Variants in ZNF624 observed in about 807,000 individuals in gnomAD.
ZNF624 encodes zinc finger protein 624.
ZNF624 carries 43 observed loss-of-function variants against 74.7 expected under a neutral mutation model. The observed-to-expected ratio is 0.58, with a 90% confidence interval of 0.45 to 0.74. The LOEUF (loss-of-function observed/expected upper bound fraction) is 0.74. ZNF624 is among the 30% of genes least tolerant of loss of function. The pLI is 0.00. For synonymous variants in ZNF624, 331 were observed against 341.3 expected (o/e 0.97, Z 0.33); for missense variants, 820 against 1,030.0 (o/e 0.80, Z 2.79).
intron 3 of ZNF624, among the ~76,000 whole-genome samples, chr17:16,645,614 C>A (rs1909570252): frequency 7.1e-6 from 1 of 140,802 alleles, no homozygotes. Context: ...GAAATTTCTT[C>A]TTTTAAAGGA....
At chr17:16,632,708 G>A (rs187790183) in intron 5 of ZNF624, among the ~76,000 whole-genome samples, 268 of 152,266 alleles carry the variant, frequency 1.8e-3, no homozygotes, top group African/African-American at 6.2e-3. Flanking sequence ...ATAGACTATT[G>A]TAACAACCTT....
rs1243232001 is a variant in ZNF624, at chr17:16,620,855, A to G, written c.*1433T>C. 1 of 152,228 alleles carries G rather than the reference A, an allele frequency of 6.6e-6. No homozygotes were observed. Among genetic ancestry groups the G allele is most frequent in the Admixed American group, 6.5e-5 (1 of 15,288 alleles). The allele number at this position is 152,228 out of a possible 1,614,324, so 9.4% of individuals were successfully genotyped here. ...ATGAACCACTAAAACAGAAATAACC[A>G]TCATTAATTTTTTGGAGACCATCCT... On this transcript the variant is annotated 3_prime_UTR_variant, in exon 6 of 6. Transcript: ENST00000311331.
At position 16,653,773 on chromosome 17, in the gene ZNF624, G is replaced by C. The variant is rs973560346; in HGVS notation, c.-12C>G. On this transcript the variant is annotated 5_prime_UTR_variant, in exon 1 of 6. Transcript: ENST00000311331. ...CCGGGACAACGAGTACCTGGCGGCC[G>C]AACTGAGGACAACTGAGGGAACTCG... is the stretch of plus-strand genomic sequence containing the variant. 6.5e-6 allele frequency: 1 copy of C among 152,754 alleles called. No individual in the cohort carries two copies. Among genetic ancestry groups the C allele is most frequent in the African/African-American group, 2.4e-5 (1 of 41,480 alleles). 9.5% of individuals were successfully genotyped at this position (152,754 alleles called of 1,614,324 possible).
At chr17:16,651,299 G>A (rs557801283) in intron 1 of ZNF624, among the ~76,000 whole-genome samples, 1 of 152,036 alleles carries the variant, frequency 6.6e-6, no homozygotes, top group African/African-American at 2.4e-5. Context: ...GTGTGGTGGT[G>A]CACGCCTGTA....
chr17:16,619,842 C>G (rs911909799), downstream of ZNF624, among the ~76,000 whole-genome samples: 1 of 152,176 alleles, frequency 6.6e-6, no homozygotes, highest in South Asian at 2.1e-4. Flanking sequence ...AGTGAGGATT[C>G]GGAGGCAGAA....
chr17:16,624,853 C>CAAAAAAAA lies in ZNF624; in HGVS notation c.377-352_377-345dup, dbSNP rs59170659. 88 of 44,004 alleles carry CAAAAAAAA rather than the reference C, an allele frequency of 2.0e-3. 7 individuals are homozygous for CAAAAAAAA. Among genetic ancestry groups the CAAAAAAAA allele is most frequent in the African/African-American group, 2.8e-3 (26 of 9,288 alleles). The allele number at this position is 44,004 out of a possible 1,614,324, so 2.7% of individuals were successfully genotyped here. A position where few individuals can be genotyped will look rare whatever the true frequency, so the allele number is the denominator to read the frequency against. ...GCAATATAGCAAAACCCTGTCTCTACAAAAAAAAAAAAAAAAAAAAAAAAA... is the reference window on the plus strand; with the variant it reads ...GCAATATAGCAAAACCCTGTCTCTACAAAAAAAAAAAAAAAAAAAAAAAAAAAAAAAAA... On this transcript the variant is annotated intron_variant, in intron 5 of 5. Transcript: ENST00000311331.
Position 16,623,862 on chromosome 17 carries a change from T to A in ZNF624, c.1024A>T (p.Ile342Phe). 1 of 1,613,938 alleles carries A rather than the reference T, an allele frequency of 6.2e-7. No individual in the cohort carries two copies. The highest frequency in any genetic ancestry group is 8.5e-7 in the Non-Finnish European group (1 of 1,179,964). Residue 342 changes from isoleucine to phenylalanine, a missense_variant, in exon 6 of 6, where the codon ATT (isoleucine) becomes TTT (phenylalanine). Transcript: ENST00000311331. The surrounding 1 kb of genome is among the most constrained non-coding windows in gnomAD (Gnocchi z 5.3). ...YKCNECGKAF[I>F]ASSSLMVHQR... ...TGTACCATAAGTGATGAAGAAGCAA[T>A]GAAGGCCTTTCCACATTCATTACAT...
intron 4 of ZNF624, among the ~76,000 whole-genome samples, chr17:16,634,197 G>A (rs1909273447): frequency 1.3e-5 from 2 of 152,106 alleles, no homozygotes; most frequent in Non-Finnish European, 2.9e-5. Context: ...GTGCTCAAAA[G>A]CCACAAGTGA....
intron 1 of ZNF624, among the ~76,000 whole-genome samples, chr17:16,652,101 G>A (rs1292434965): frequency 6.6e-6 from 1 of 152,038 alleles, no homozygotes; most frequent in African/African-American, 2.4e-5. Context: ...TACCCTGAAA[G>A]CCCTGATCTC....
chr17:16,615,997 A>ATATG (rs1908783264), downstream of ZNF624, among the ~76,000 whole-genome samples: 1 of 137,042 alleles, frequency 7.3e-6, no homozygotes, highest in Non-Finnish European at 1.6e-5. Context: ...ATATATATAT[A>ATATG]TGAATGAGAT....
chr17:16,635,475 A>T (rs895927850), intron 3 of ZNF624, among the ~76,000 whole-genome samples: 4 of 152,026 alleles, frequency 2.6e-5, no homozygotes, highest in Admixed American at 6.6e-5. Context: ...TAAATGAAAT[A>T]AAAAATTAAA....
Position 16,647,390 on chromosome 17 carries a change from G to A in ZNF624, c.92C>T (p.Pro31Leu). 6.2e-7 allele frequency: 1 copy of A among 1,614,030 alleles called. No homozygotes were observed. Among genetic ancestry groups the A allele is most frequent in the Non-Finnish European group, 8.5e-7 (1 of 1,179,932 alleles). The change falls in exon 3 of 6, where the codon CCT (proline) becomes CTT (leucine). Residue 31 changes from proline (P) to leucine (L), a missense_variant. Transcript: ENST00000311331. ...AVFFSVGRLS[P>L]EVTQPDEDLH... ...ATCTTCATCTGGCTGGGTAACTTCA[G>A]GGCTCTGATGGGATACAGGATAAGA...
rs1421221373 is a variant in ZNF624 at position 16,621,976 on chromosome 17, TA to T, written c.*311del. The T allele has an allele frequency of 1.1e-5, 2 of 178,928 alleles. No homozygotes were observed. The highest frequency in any genetic ancestry group is 2.4e-5 in the African/African-American group (1 of 42,450). 11.1% of individuals were successfully genotyped at this position (178,928 alleles called of 1,614,324 possible). A position where few individuals can be genotyped will look rare whatever the true frequency, so the allele number is the denominator to read the frequency against. On this transcript the variant is annotated 3_prime_UTR_variant, in exon 6 of 6. Transcript: ENST00000311331. The stretch of plus-strand genomic sequence containing the variant: ...TATATAAAAAGCACCTCCAGGTTTA[TA>T]AGAAAAGACAGATAAATGAATAGAA...
chr17:16,643,535 G>C (rs528574402), intron 3 of ZNF624, among the ~76,000 whole-genome samples: 6 of 152,304 alleles, frequency 3.9e-5, no homozygotes, highest in Admixed American at 3.3e-4. Flanking sequence ...GGAATGGAGA[G>C]TACTGCTAGT....
chr17:16,637,566 A>G (rs1216314710), intron 3 of ZNF624, among the ~76,000 whole-genome samples: 1 of 152,082 alleles, frequency 6.6e-6, no homozygotes, highest in Non-Finnish European at 1.5e-5. Context: ...AATGCCACAT[A>G]TCTACAACCA....
At chr17:16,617,615 A>C (rs1597488032), downstream of ZNF624, 2 of 1,597,048 alleles carry the variant, frequency 1.3e-6, no homozygotes, top group Middle Eastern at 2.2e-4. Context: ...TGCTGTATCC[A>C]CCTCCACCAC....
At chr17:16,633,710 T>G in intron 5 of ZNF624, 152 bp downstream of exon 5, 1 of 540,716 alleles carries the variant, frequency 1.8e-6, no homozygotes, top group Non-Finnish European at 3.3e-6. Flanking sequence ...AAGATGGGGG[T>G]GAGAGGGACA....
chr17:16,621,441 GTA>G lies in ZNF624; in HGVS notation c.*845_*846del, dbSNP rs1395481895. 3 of 152,228 alleles carry G rather than the reference GTA, an allele frequency of 2.0e-5. No homozygotes were observed. Among genetic ancestry groups the G allele is most frequent in the African/African-American group, 4.8e-5 (2 of 41,456 alleles). 9.4% of individuals were successfully genotyped at this position (152,228 alleles called of 1,614,324 possible). A position where few individuals can be genotyped will look rare whatever the true frequency, so the allele number is the denominator to read the frequency against. ...AAAAGTGAGACTGCTGGGTCTAAGA[GTA>G]TATATGTTTTAAATTTTTAAACATA... is the stretch of plus-strand genomic sequence containing the variant. On this transcript the variant is annotated 3_prime_UTR_variant, in exon 6 of 6. Transcript: ENST00000311331.
downstream of ZNF624, among the ~76,000 whole-genome samples, chr17:16,619,747 CTTTT>C (rs748024225): frequency 1.4e-4 from 21 of 152,200 alleles, no homozygotes; most frequent in Non-Finnish European, 2.6e-4. Context: ...CTTTTCAGTT[CTTTT>C]GTCATTTGAA....
Sources: allele counts gnomAD v4.1 joint callset (sites outside exome capture counted in the v4.1 genomes callset), GRCh38; gene constraint gnomAD v4.1.1; non-coding constraint Gnocchi (gnomAD v3.1); transcripts MANE v1.5; gene names NCBI Gene and HGNC (gene_info 2026-07-23, HGNC 2026-07-21).